The following WDR41 variants were observed in gnomAD, a reference collection of about 807,000 sequenced individuals.
WDR41 encodes WD repeat-containing protein 41.
A neutral mutation model predicts 69.3 loss-of-function variants in WDR41; 63 were observed. The ratio of observed to expected loss-of-function variants is 0.91; its 90% CI spans 0.74 to 1.12. WDR41 has a LOEUF of 1.12. WDR41 is among the 50% of genes most tolerant of loss of function. WDR41 has a pLI of 0.00. For synonymous variants in WDR41, 185 were observed against 192.1 expected (o/e 0.96, Z 0.31); for missense variants, 543 against 534.5 (o/e 1.02, Z -0.16).
In WDR41 at chr5:77,460,627, C is replaced by A. The variant is rs115069668; in HGVS notation, c.349-1503G>T. Among the ~76,000 whole-genome samples, 434 of 152,228 alleles carry A rather than the reference C, an allele frequency of 2.9e-3. 4 individuals are homozygous for A. The highest frequency in any genetic ancestry group is 0.01 in the African/African-American group (423 of 41,532). On this transcript the variant is annotated intron_variant, in intron 4 of 12. Transcript: ENST00000296679. ...TTTTTTTTGGATTTTGGAATATGTG[C>A]ATATACCTAATGAGCTATCTTGGGG...
At chr5:77,437,658 T>TA (rs1238990499) in intron 10 of WDR41, among the ~76,000 whole-genome samples, 2 of 152,160 alleles carry the variant, frequency 1.3e-5, no homozygotes, top group Non-Finnish European at 1.5e-5. Flanking sequence ...TCTCTCCATT[T>TA]AAAAAAATGC....
intron 1 of WDR41, among the ~76,000 whole-genome samples, chr5:77,573,269 T>C (rs946370882): frequency 7.1e-6 from 1 of 141,640 alleles, no homozygotes; most frequent in Admixed American, 8.2e-5. Flanking sequence ...CTCTCTCTCT[T>C]TATTTTTTTT....
chr5:77,600,200 T>A (rs1346319296), intron 1 of WDR41, among the ~76,000 whole-genome samples: 1 of 152,132 alleles, frequency 6.6e-6, no homozygotes, highest in Non-Finnish European at 1.5e-5. Flanking sequence ...ACCAATATAA[T>A]CAAATCCCTC....
chr5:77,590,320 C>A (rs1357635610), intron 1 of WDR41, among the ~76,000 whole-genome samples: 1 of 152,122 alleles, frequency 6.6e-6, no homozygotes, highest in Non-Finnish European at 1.5e-5. Context: ...TCTCCTTTCA[C>A]GATAGGTTCA....
chr5:77,494,456 G>A (rs756095989), upstream of WDR41, among the ~76,000 whole-genome samples: 87 of 151,998 alleles, frequency 5.7e-4, no homozygotes, highest in Non-Finnish European at 1.1e-3. Context: ...GATCAAAAGG[G>A]AAAGAATAGA....
intron 1 of WDR41, among the ~76,000 whole-genome samples, chr5:77,601,127 T>C (rs760751273): frequency 1.3e-5 from 2 of 152,116 alleles, no homozygotes; most frequent in Non-Finnish European, 2.9e-5. Flanking sequence ...GAATTATAAC[T>C]GAAGGCTAAA....
chr5:77,555,266 C>T (rs994007751), intron 1 of WDR41, among the ~76,000 whole-genome samples: 1 of 152,108 alleles, frequency 6.6e-6, no homozygotes, highest in Non-Finnish European at 1.5e-5. Context: ...GATCTTTCTG[C>T]GTTGTATCTT....
Position 77,512,502 on chromosome 5 carries a change from G to A in WDR41, c.43-22930C>T, listed in dbSNP as rs535829570. Among the ~76,000 whole-genome samples, 30 of 150,238 alleles carry A rather than the reference G, an allele frequency of 2.0e-4. No individual in the cohort carries two copies. The South Asian group carries it at 5.9e-3, about 30-fold the overall frequency. ...TAAGGTAGCTCATGCCTGTAATCCC[G>A]GCACTTTGGGAGGCCGAGGCAGGCG... On this transcript the variant is annotated intron_variant, in intron 1 of 5. Coordinates refer to the WDR41 transcript ENST00000509971.
intron 1 of WDR41, among the ~76,000 whole-genome samples, chr5:77,601,216 G>T (rs936463041): frequency 6.6e-6 from 1 of 152,022 alleles, no homozygotes; most frequent in African/African-American, 2.4e-5. Flanking sequence ...GCCTAAAATA[G>T]TTTTTTAAAT....
At chr5:77,468,692 A>C (rs998844919) in intron 2 of WDR41, among the ~76,000 whole-genome samples, 1 of 152,174 alleles carries the variant, frequency 6.6e-6, no homozygotes, top group Admixed American at 6.6e-5. Flanking sequence ...CAATGTCTAC[A>C]TAAGGCACTG....
At position 77,437,345 on chromosome 5, in the gene WDR41, C is replaced by G; in HGVS notation, c.1084G>C (p.Val362Leu). 1 of 1,613,658 alleles carries G rather than the reference C, an allele frequency of 6.2e-7. No homozygotes were observed. The highest frequency in any genetic ancestry group is 8.5e-7 in the Non-Finnish European group (1 of 1,179,740). ...REKQQLAAEP[V>L]PTGFFNMWGF... The stretch of plus-strand genomic sequence containing the variant: ...GAGAGAAGACACACACCTGTTGGTA[C>G]AGGCTCAGCTGCAAGCTGCTGTTTT... Residue 362 changes from valine (V) to leucine (L), a missense_variant, in exon 11 of 13, where the codon GTA (valine) becomes CTA (leucine). Transcript: ENST00000296679.
At chr5:77,454,490 A>G (rs1179863751) in intron 5 of WDR41, among the ~76,000 whole-genome samples, 2 of 152,188 alleles carry the variant, frequency 1.3e-5, no homozygotes, top group Non-Finnish European at 2.9e-5. Context: ...CTAATACACA[A>G]TTGCTTAAAC....
chr5:77,600,169 T>C (rs985775360), intron 1 of WDR41, among the ~76,000 whole-genome samples: 6 of 152,210 alleles, frequency 3.9e-5, no homozygotes, highest in African/African-American at 1.4e-4. Context: ...TTGAAATTAC[T>C]GATCTATGTA....
chr5:77,610,219 T>C (rs1173403505), intron 1 of WDR41, among the ~76,000 whole-genome samples: 1 of 152,190 alleles, frequency 6.6e-6, no homozygotes, highest in Non-Finnish European at 1.5e-5. Flanking sequence ...TGGAACCAAG[T>C]TGGAAAACAC....
chr5:77,476,647 C>G (rs1481303116), intron 2 of WDR41, among the ~76,000 whole-genome samples: 1 of 151,858 alleles, frequency 6.6e-6, no homozygotes, highest in Non-Finnish European at 1.5e-5. Context: ...ACCACCAGGC[C>G]TGCTCTAAAA....
At chr5:77,450,093 A>C (rs540823424) in intron 7 of WDR41, among the ~76,000 whole-genome samples, 1 of 152,252 alleles carries the variant, frequency 6.6e-6, no homozygotes, top group Admixed American at 6.5e-5. Flanking sequence ...GTCCTGAAGA[A>C]CTCTCTTCCT....
chr5:77,462,010 T>C (rs1026784375), intron 4 of WDR41, among the ~76,000 whole-genome samples: 2 of 152,184 alleles, frequency 1.3e-5, no homozygotes, highest in Admixed American at 6.5e-5. Context: ...TTCGGGGCTC[T>C]GACTCTGCAG....
At chr5:77,611,303 G>T (rs889871563) in intron 1 of WDR41, among the ~76,000 whole-genome samples, 5 of 152,170 alleles carry the variant, frequency 3.3e-5, no homozygotes, top group Non-Finnish European at 7.4e-5. Flanking sequence ...GCACCAAGCA[G>T]ATCTAATAGA....
chr5:77,565,942 A>G (rs1411207516), intron 1 of WDR41, among the ~76,000 whole-genome samples: 1 of 152,196 alleles, frequency 6.6e-6, no homozygotes, highest in Non-Finnish European at 1.5e-5. Flanking sequence ...ATTAAAACCC[A>G]TTGACTTCTT....
Sources: gnomAD v4.1 joint callset for allele counts (sites outside exome capture counted in the v4.1 genomes callset) on GRCh38, gnomAD v4.1.1 for gene constraint, MANE v1.5 for transcripts, NCBI Gene and HGNC (gene_info 2026-07-23, HGNC 2026-07-21) for gene names.